Variants in TTC28 observed in about 807,000 individuals in gnomAD.
TTC28 encodes the protein tetratricopeptide repeat protein 28.
In TTC28, 61 loss-of-function variants were observed where a neutral mutation model predicts 198.0. The observed-to-expected ratio is 0.31, with a 90% CI of 0.25 to 0.38. The LOEUF (loss-of-function observed/expected upper bound fraction) is 0.38. Ranked by LOEUF, TTC28 falls within the 10% of genes least tolerant of loss-of-function variation. TTC28 has a pLI of 1.00. For synonymous variants in TTC28, 1,171 were observed against 1,297.8 expected (o/e 0.90, Z 2.10); for missense variants, 2,678 against 3,164.0 (o/e 0.85, Z 3.69).
intron 5 of TTC28, among the ~76,000 whole-genome samples, chr22:28,242,601 A>G (rs1259414888): frequency 3.3e-5 from 5 of 152,238 alleles, no homozygotes; most frequent in African/African-American, 9.6e-5. Context: ...CTTGAATTAA[A>G]GAAAAGTCAT....
chr22:28,150,810 G>A (rs2147015557), intron 6 of TTC28, among the ~76,000 whole-genome samples: 1 of 152,342 alleles, frequency 6.6e-6, no homozygotes, highest in Non-Finnish European at 1.5e-5. Flanking sequence ...CAGGTTCACT[G>A]CATAGTACCA....
intron 12 of TTC28, among the ~76,000 whole-genome samples, chr22:28,064,769 C>T (rs916259505): frequency 1.3e-5 from 2 of 152,092 alleles, no homozygotes; most frequent in Non-Finnish European, 2.9e-5. Flanking sequence ...AGCAAGGAGA[C>T]AGACATATCA....
In TTC28 at chr22:28,018,276, T is replaced by C. The variant is rs527768832; in HGVS notation, c.4074-3884A>G. Among the ~76,000 whole-genome samples, 77 of 113,746 alleles carry C rather than the reference T, an allele frequency of 6.8e-4. No homozygotes were observed. In the East Asian group the frequency reaches 0.016, roughly 24 times the overall value. 74.6% of individuals were successfully genotyped at this position (113,746 alleles called of 152,430 possible). ...GTGTGTGTGTGTGTGTGTGTGTGTG[T>C]GTATGTGTGTGCGCGCGTGTGTGCG... On this transcript the variant is annotated intron_variant, in intron 13 of 22. Coordinates refer to ENST00000397906, the MANE Select transcript of TTC28 (RefSeq NM_001145418.2).
intron 13 of TTC28, among the ~76,000 whole-genome samples, chr22:28,021,138 C>A (rs919055456): frequency 6.6e-6 from 1 of 152,166 alleles, no homozygotes; most frequent in Non-Finnish European, 1.5e-5. Flanking sequence ...TCTCCCTCAG[C>A]CAAGGCTAAG....
At chr22:28,270,207 T>C (rs1481814537) in intron 5 of TTC28, among the ~76,000 whole-genome samples, 3 of 151,906 alleles carry the variant, frequency 2.0e-5, no homozygotes. Flanking sequence ...AGCAGGACAA[T>C]TCAAAGGGGG....
At chr22:28,543,860 C>G in intron 2 of TTC28, among the ~76,000 whole-genome samples, 1 of 152,154 alleles carries the variant, frequency 6.6e-6, no homozygotes, top group East Asian at 1.9e-4. Context: ...TGTTGCAAAT[C>G]AAATCCAACA....
chr22:27,996,395 C>G, intron 16 of TTC28, 136 bp from the exon 17 acceptor site: 1 of 1,335,880 alleles, frequency 7.5e-7, no homozygotes, highest in Non-Finnish European at 1.0e-6. Context: ...AGCTCACAGG[C>G]TGGCCTGGGG....
intron 5 of TTC28, among the ~76,000 whole-genome samples, chr22:28,273,607 T>C (rs1932232146): frequency 6.6e-6 from 1 of 151,820 alleles, no homozygotes; most frequent in Non-Finnish European, 1.5e-5. Context: ...AATGGACATA[T>C]GGAACATGGT....
At chr22:28,654,259 C>T (rs1024913451) in intron 1 of TTC28, among the ~76,000 whole-genome samples, 1 of 152,196 alleles carries the variant, frequency 6.6e-6, no homozygotes, top group East Asian at 1.9e-4. Context: ...GCAGCTTATG[C>T]CTTCTCAGAA....
chr22:28,334,688 T>C (rs2045678200), intron 2 of TTC28, among the ~76,000 whole-genome samples: 1 of 152,344 alleles, frequency 6.6e-6, no homozygotes, highest in East Asian at 1.9e-4. Flanking sequence ...CACCCACTTG[T>C]TAATGGGGTT....
chr22:28,101,253 C>A lies in TTC28; in HGVS notation c.3335G>T (p.Arg1112Leu). 6.4e-7 allele frequency: 1 copy of A among 1,551,662 alleles called. No individual in the cohort carries two copies. The highest frequency in any genetic ancestry group is 8.7e-7 in the Non-Finnish European group (1 of 1,146,924). The change falls in exon 9 of 23, where the codon CGA becomes CTA. Residue 1112 changes from arginine (R) to leucine (L), a missense_variant. This residue lies in a region of TTC28 where 727 missense variants were observed against 861.9 expected (regional missense o/e 0.84). Coordinates refer to ENST00000397906, the MANE Select transcript of TTC28 (RefSeq NM_001145418.2). Reference protein sequence around the residue: ...EGLRLAEQLGRREDEAKIRHG... With the variant: ...EGLRLAEQLGLREDEAKIRHG... ...GCGAATTTTTGCCTCATCTTCTCTT[C>A]GGCCCAGTTGCTCAGCTAACCTTAA...
chr22:28,560,134 T>C (rs774923596), intron 2 of TTC28, among the ~76,000 whole-genome samples: 3 of 152,224 alleles, frequency 2.0e-5, no homozygotes, highest in Non-Finnish European at 4.4e-5. Context: ...TGAGTCATCC[T>C]TGATTCCTCG....
At chr22:28,504,686 A>G (rs1016476804) in intron 2 of TTC28, among the ~76,000 whole-genome samples, 36 of 152,070 alleles carry the variant, frequency 2.4e-4, no homozygotes, top group African/African-American at 8.7e-4. Context: ...CTGATGCCCG[A>G]CTCACATTAC....
intron 10 of TTC28, 89 bp downstream of exon 10, chr22:28,098,826 C>T: frequency 2.1e-6 from 3 of 1,450,786 alleles, no homozygotes; most frequent in South Asian, 1.4e-5. Context: ...TATTTCTTCA[C>T]CGCTGTCACT....
chr22:27,992,705 C>T lies in TTC28; in HGVS notation c.5477-42G>A, dbSNP rs748959532. On this transcript the variant is annotated intron_variant, in intron 18 of 22. Coordinates refer to ENST00000397906, the MANE Select transcript of TTC28 (RefSeq NM_001145418.2). Reference sequence around the variant, plus strand: ...GGGTAGAAGTTATTCAGAAGGGCCTCTGCACCCAAAAGCCTGCCACCTTCC... The same window carrying T: ...GGGTAGAAGTTATTCAGAAGGGCCTTTGCACCCAAAAGCCTGCCACCTTCC... The T allele has an allele frequency of 2.0e-5, 31 of 1,535,660 alleles. No homozygotes were observed. In the South Asian group the frequency reaches 3.3e-4, roughly 16 times the overall value.
intron 3 of TTC28, 74 bp from the exon 4 acceptor site, chr22:28,297,926 G>T: frequency 7.0e-7 from 1 of 1,429,428 alleles, no homozygotes; most frequent in Non-Finnish European, 9.4e-7. Flanking sequence ...TTTCTAATAC[G>T]CTCTAGAAAT....
intron 5 of TTC28, among the ~76,000 whole-genome samples, chr22:28,260,550 T>C (rs964601502): frequency 6.6e-6 from 1 of 152,116 alleles, no homozygotes; most frequent in Non-Finnish European, 1.5e-5. Context: ...AGACAAAAAA[T>C]AGAACTCATT....
chr22:28,376,257 C>CTGGT (rs1255845414), intron 2 of TTC28, among the ~76,000 whole-genome samples: 3 of 152,202 alleles, frequency 2.0e-5, no homozygotes, highest in African/African-American at 4.8e-5. Flanking sequence ...GTTGCTCAGA[C>CTGGT]TGGTGTAAGC....
intron 2 of TTC28, among the ~76,000 whole-genome samples, chr22:28,521,338 T>C (rs1224573900): frequency 6.6e-6 from 1 of 151,826 alleles, no homozygotes; most frequent in Non-Finnish European, 1.5e-5. Context: ...GCCCAGGACT[T>C]TGAGGTTATG....
Sources: gnomAD v4.1 joint callset for allele counts (sites outside exome capture counted in the v4.1 genomes callset) on GRCh38, gnomAD v4.1.1 for gene constraint, gnomAD v4.1.1 regional missense constraint, MANE v1.5 for transcripts, NCBI Gene and HGNC (gene_info 2026-07-23, HGNC 2026-07-21) for gene names.